Variants in IGFN1 observed in about 807,000 individuals in gnomAD.
The protein encoded by IGFN1 is immunoglobulin-like and fibronectin type III domain-containing protein 1.
Under a neutral mutation model 289.5 loss-of-function variants are expected in IGFN1, and 253 were observed. The observed-to-expected ratio is 0.87, with a 90% CI of 0.79 to 0.97. The LOEUF is 0.97. Ranked by LOEUF, IGFN1 falls within the 50% of genes least tolerant of loss-of-function variation. IGFN1 has a pLI of 0.00. For missense variants in IGFN1, 4,470 were observed against 4,686.1 expected (o/e 0.95, Z 1.35); for synonymous variants, 1,706 against 1,788.5 (o/e 0.95, Z 1.16).
In IGFN1 at chr1:201,221,360, C is replaced by T. The variant is rs982982976; in HGVS notation, c.9899-84C>T. 19 of 1,067,190 alleles carry T rather than the reference C, an allele frequency of 1.8e-5. No homozygotes were observed. The African/African-American group carries it at 2.6e-4, about 14-fold the overall frequency. 66.1% of individuals were successfully genotyped at this position (1,067,190 alleles called of 1,614,324 possible). A position where few individuals can be genotyped will look rare whatever the true frequency, so the allele number is the denominator to read the frequency against. On this transcript the variant is annotated intron_variant, in intron 18 of 23. Transcript: ENST00000335211. ...GCTAAGTGAAAACAATTCCCAGTCTCCCACAAGGAAGGCTAATCAATATCC... is the reference window on the plus strand; with the variant it reads ...GCTAAGTGAAAACAATTCCCAGTCTTCCACAAGGAAGGCTAATCAATATCC...
At position 201,195,920 on chromosome 1, in the gene IGFN1, G is replaced by A; in HGVS notation, c.209G>A (p.Ser70Asn). The A allele has an allele frequency of 6.4e-7, 1 of 1,551,884 alleles. No individual in the cohort carries two copies. Among genetic ancestry groups the A allele is most frequent in the South Asian group, 1.2e-5 (1 of 84,052 alleles). Residue 70 changes from serine to asparagine, a missense_variant, in exon 4 of 24, where the codon AGT (serine) becomes AAT (asparagine). Transcript: ENST00000335211. ...VRWQNSKGDL[S>N]DSSKYKISSS... Reference sequence around the variant, plus strand: ...TGGCAGAACTCCAAAGGTGACCTCAGTGATTCCAGCAAGTACAAGATCTCC... The same window carrying A: ...TGGCAGAACTCCAAAGGTGACCTCAATGATTCCAGCAAGTACAAGATCTCC...
Position 201,206,913 on chromosome 1 carries a change from G to A in IGFN1, c.2020G>A (p.Gly674Ser). ...AGACAGCAATGGGGCAGGAGGTCCT[G>A]GCACCCTGGAGCTTACTGGAGGAAG... Reference protein sequence around the residue: ...AGDSNGAGGPGTLELTGGRGS... With the variant: ...AGDSNGAGGPSTLELTGGRGS... The change falls in exon 12 of 24, where the codon GGC becomes AGC. Residue 674 changes from glycine (G) to serine (S), a missense_variant. Gly to Ser is a moderately conservative substitution (Grantham distance 56). This residue lies in a region of IGFN1 where 2,011 missense variants were observed against 1,953.4 expected (regional missense o/e 1.03). Coordinates refer to ENST00000335211, the MANE Select transcript of IGFN1 (RefSeq NM_001164586.2). 1 of 1,536,416 alleles carries A rather than the reference G, an allele frequency of 6.5e-7. No individual in the cohort carries two copies.
At position 201,212,151 on chromosome 1, in the gene IGFN1, C is replaced by T. The variant is rs1046185907; in HGVS notation, c.7258C>T (p.Pro2420Ser). ...RETRLVDGAGPGVEPGMAGMP... is the reference protein window; with the variant it reads ...RETRLVDGAGSGVEPGMAGMP... ...AACCAGGCTTGTGGATGGGGCAGGA[C>T]CTGGGGTGGAACCTGGGATGGCTGG... The change falls in exon 12 of 24, where the codon CCT (proline) becomes TCT (serine). Residue 2420 changes from proline (P) to serine (S), a missense_variant. Physicochemically the swap from Pro to Ser is moderately conservative, Grantham distance 74. This residue lies in a region of IGFN1 where 2,218 missense variants were observed against 2,114.1 expected (regional missense o/e 1.05). Coordinates refer to ENST00000335211, the MANE Select transcript of IGFN1 (RefSeq NM_001164586.2). The T allele has an allele frequency of 2.0e-5, 31 of 1,535,952 alleles. No homozygotes were observed. The Admixed American group carries it at 5.9e-4, about 29-fold the overall frequency.
At chr1:201,218,912 C>T (rs1223601709) in intron 18 of IGFN1, among the ~76,000 whole-genome samples, 3 of 152,092 alleles carry the variant, frequency 2.0e-5, no homozygotes, top group Admixed American at 2.0e-4. Context: ...ATGGTTCATA[C>T]TTGTAATCCT....
chr1:201,216,777 G>T, intron 16 of IGFN1, 24 bp downstream of exon 16: 1 of 1,567,310 alleles, frequency 6.4e-7, no homozygotes, highest in Non-Finnish European at 8.7e-7. Context: ...CTGGGGCTGG[G>T]GGTGGGGGAC....
chr1:201,204,348 A>G (rs1361129565), intron 10 of IGFN1, among the ~76,000 whole-genome samples: 1 of 152,046 alleles, frequency 6.6e-6, no homozygotes, highest in Non-Finnish European at 1.5e-5. Context: ...TTCCTTCCCC[A>G]TCTAGGAACT....
In IGFN1 at chr1:201,207,509, G is replaced by A; in HGVS notation, c.2616G>A (p.Trp872Ter). Residue 872 changes from tryptophan (W) to a stop codon, truncating the protein, a stop_gained, in exon 12 of 24, where the codon TGG becomes TGA. Coordinates refer to ENST00000335211, the MANE Select transcript of IGFN1 (RefSeq NM_001164586.2). LOFTEE classifies it high-confidence loss of function. ...SGGQEGMGGIWVAGLTESGQG... is the reference protein window; with the variant it reads ...SGGQEGMGGI The stretch of plus-strand genomic sequence containing the variant: ...GACAAGAGGGTATGGGTGGTATCTG[G>A]GTGGCTGGACTGACGGAGTCTGGTC... The A allele has an allele frequency of 6.5e-7, 1 of 1,535,696 alleles. No individual in the cohort carries two copies. Among genetic ancestry groups the A allele is most frequent in the African/African-American group, 1.4e-5 (1 of 73,094 alleles).
At position 201,213,423 on chromosome 1, in the gene IGFN1, C is replaced by A; in HGVS notation, c.8530C>A (p.Gln2844Lys). 6.2e-7 allele frequency: 1 copy of A among 1,613,978 alleles called. No individual in the cohort carries two copies. Among genetic ancestry groups the A allele is most frequent in the Non-Finnish European group, 8.5e-7 (1 of 1,179,942 alleles). Residue 2844 changes from glutamine to lysine, a missense_variant, in exon 12 of 24, where the codon CAG (glutamine) becomes AAG (lysine). Physicochemically the swap from Gln to Lys is moderately conservative, Grantham distance 53. This residue lies in a region of IGFN1 where 2,218 missense variants were observed against 2,114.1 expected (regional missense o/e 1.05). Transcript: ENST00000335211. Reference sequence around the variant, plus strand: ...AGACGAGGCTGGAAGCATGGGGTGGCAGCCTATGGGAGAGAACTGGGGGTG... The same window carrying A: ...AGACGAGGCTGGAAGCATGGGGTGGAAGCCTATGGGAGAGAACTGGGGGTG... ...GADEAGSMGWQPMGENWGCLE... is the reference protein window; with the variant it reads ...GADEAGSMGWKPMGENWGCLE...
intron 5 of IGFN1, among the ~76,000 whole-genome samples, chr1:201,198,159 G>A (rs187759356): frequency 1.3e-5 from 2 of 152,298 alleles, no homozygotes; most frequent in Admixed American, 1.3e-4. Context: ...GAGATGGACT[G>A]GAGTCTTGCT....
chr1:201,197,040 C>T (rs1463161762), intron 4 of IGFN1, among the ~76,000 whole-genome samples, 178 bp from the exon 5 acceptor site: 2 of 152,220 alleles, frequency 1.3e-5, no homozygotes, highest in African/African-American at 4.8e-5. Context: ...GATACATCCA[C>T]CCTCTGTCCC....
At chr1:201,218,923 G>T (rs987767361) in intron 18 of IGFN1, among the ~76,000 whole-genome samples, 1 of 152,048 alleles carries the variant, frequency 6.6e-6, no homozygotes, top group African/African-American at 2.4e-5. Context: ...TTGTAATCCT[G>T]GCACTTTGGG....
chr1:201,196,743 A>G (rs1246451414), intron 4 of IGFN1, among the ~76,000 whole-genome samples: 1 of 152,234 alleles, frequency 6.6e-6, no homozygotes, highest in African/African-American at 2.4e-5. Flanking sequence ...GAGCAATATT[A>G]TAAATACTAA....
At chr1:201,219,463 G>A (rs1044014297) in intron 18 of IGFN1, among the ~76,000 whole-genome samples, 2 of 152,238 alleles carry the variant, frequency 1.3e-5, no homozygotes, top group African/African-American at 4.8e-5. Flanking sequence ...TATGATGTGA[G>A]CTTTTGATGT....
At chr1:201,221,300 G>A in intron 18 of IGFN1, 144 bp from the exon 19 acceptor site, 1 of 646,630 alleles carries the variant, frequency 1.5e-6, no homozygotes, top group African/African-American at 1.8e-5. Context: ...TTTGGAACAA[G>A]GTAGGTGCTT....
intron 23 of IGFN1, 56 bp downstream of exon 23, chr1:201,227,264 C>T: frequency 7.0e-7 from 1 of 1,430,244 alleles, no homozygotes; most frequent in Admixed American, 2.1e-5. Flanking sequence ...GAGCAACCAC[C>T]TGCCTGTCAG....
At chr1:201,224,616 G>C in intron 20 of IGFN1, 63 bp from the exon 21 acceptor site, 1 of 1,424,252 alleles carries the variant, frequency 7.0e-7, no homozygotes, top group Non-Finnish European at 9.8e-7. Context: ...TAGCTTAAAT[G>C]CCATCACCTC....
chr1:201,207,697 C>G lies in IGFN1; in HGVS notation c.2804C>G (p.Pro935Arg), dbSNP rs1667493001. 1 of 1,536,988 alleles carries G rather than the reference C, an allele frequency of 6.5e-7. No individual in the cohort carries two copies. The highest frequency in any genetic ancestry group is 2.0e-5 in the Admixed American group (1 of 50,980). Residue 935 changes from proline (P) to arginine (R), a missense_variant, in exon 12 of 24, where the codon CCC becomes CGC. Around this residue, in one of 8 missense-constraint regions of IGFN1, gnomAD observed 2,011 missense variants for 1,953.4 expected, o/e 1.03. Transcript: ENST00000335211. ...TCAGGGAGCTCCAGAGTAAAAGGAC[C>G]CAGAGGTGAGACAGGCTATAAGGAT... Reference protein sequence around the residue: ...NGSGSSRVKGPRGETGYKDGL... With the variant: ...NGSGSSRVKGRRGETGYKDGL...
intron 15 of IGFN1, 107 bp downstream of exon 15, chr1:201,215,945 C>T (rs963249292): frequency 1.8e-6 from 2 of 1,105,046 alleles, no homozygotes; most frequent in Non-Finnish European, 2.7e-6. Context: ...GGCTCTGATC[C>T]TCATTTGCAT....
chr1:201,224,587 A>T, intron 20 of IGFN1, 92 bp from the exon 21 acceptor site: 1 of 1,026,824 alleles, frequency 9.7e-7, no homozygotes, highest in Non-Finnish European at 1.5e-6. Context: ...GACTCTTCTC[A>T]CCGCTTCTAC....
Sources: gnomAD v4.1 joint callset for allele counts (sites outside exome capture counted in the v4.1 genomes callset) on GRCh38, gnomAD v4.1.1 for gene constraint, gnomAD v4.1.1 regional missense constraint, MANE v1.5 for transcripts, NCBI Gene and HGNC (gene_info 2026-07-23, HGNC 2026-07-21) for gene names.